Variants in FAM135B observed in about 807,000 individuals in gnomAD.
FAM135B encodes protein FAM135B.
A neutral mutation model predicts 127.7 loss-of-function variants in FAM135B; 43 were observed. The observed-to-expected ratio is 0.34, with a 90% CI of 0.26 to 0.43. The LOEUF (loss-of-function observed/expected upper bound fraction) is 0.43. FAM135B is among the 20% of genes least tolerant of loss of function. The probability of loss-of-function intolerance (pLI) is 1.00; values close to 1 mark genes in which losing one functional copy is unlikely to be tolerated. For missense variants in FAM135B, 1,558 were observed against 1,725.6 expected, an observed-to-expected ratio of 0.90 and a Z score of 1.72; for synonymous variants, 670 against 665.1, an observed-to-expected ratio of 1.01 and a Z score of -0.11.
At position 138,477,837 on chromosome 8, in the gene FAM135B, C is replaced by T. The variant is rs369230172; in HGVS notation, c.-20+18834G>A. 5.8e-4 allele frequency among the ~76,000 whole-genome samples: 89 copies of T among 152,196 alleles called. 1 individual carries two copies. The highest frequency in any genetic ancestry group is 2.1e-3 in the African/African-American group (87 of 41,530). On this transcript the variant is annotated intron_variant, in intron 1 of 19. Coordinates refer to ENST00000395297, the MANE Select transcript of FAM135B (RefSeq NM_015912.4). The stretch of plus-strand genomic sequence containing the variant: ...AAACTTTGCTGCCATATGCTTTTGC[C>T]CTTCACCCTTCCTGCTTCCTATATA...
At position 138,426,138 on chromosome 8, in the gene FAM135B, G is replaced by GTATA. The variant is rs375644479; in HGVS notation, c.-19-58140_-19-58137dup. On this transcript the variant is annotated intron_variant, in intron 1 of 19. Coordinates refer to ENST00000395297, the MANE Select transcript of FAM135B (RefSeq NM_015912.4). ...CACATATGTGTGTGTGTGTGTGTGT[G>GTATA]TATATATATATATAATGCTAAGCAC... is the stretch of plus-strand genomic sequence containing the variant. 2.7e-4 allele frequency among the ~76,000 whole-genome samples: 38 copies of GTATA among 139,782 alleles called. 2 individuals carry two copies. The highest frequency in any genetic ancestry group is 1.7e-3 in the Admixed American group (24 of 13,846). The allele number at this position is 139,782 out of a possible 152,430, so 91.7% of individuals were successfully genotyped here. A position where few individuals can be genotyped will look rare whatever the true frequency, so the allele number is the denominator to read the frequency against.
intron 7 of FAM135B, among the ~76,000 whole-genome samples, chr8:138,198,927 T>C (rs965759649): frequency 2.0e-5 from 3 of 152,208 alleles, no homozygotes; most frequent in African/African-American, 4.8e-5. Context: ...ACTGTTCACA[T>C]GGCCGTGACG....
chr8:138,218,125 C>T (rs6577892), intron 7 of FAM135B, among the ~76,000 whole-genome samples: 107,033 of 152,032 alleles, frequency 0.7, 37,748 homozygotes, highest in Middle Eastern at 0.8. Flanking sequence ...AATGTGTGAG[C>T]AATGAGACTT....
chr8:138,405,273 G>A (rs990810111), intron 1 of FAM135B, among the ~76,000 whole-genome samples: 14 of 150,734 alleles, frequency 9.3e-5, no homozygotes, highest in African/African-American at 3.2e-4. Flanking sequence ...ACAATGTGCA[G>A]GTTAGTTACA....
chr8:138,166,962 T>C (rs990286609), intron 12 of FAM135B, among the ~76,000 whole-genome samples: 2 of 151,922 alleles, frequency 1.3e-5, no homozygotes, highest in Admixed American at 1.3e-4. Context: ...TACCATCCCA[T>C]TGTAGGACTC....
chr8:138,336,809 G>T (rs1001111904), intron 2 of FAM135B, among the ~76,000 whole-genome samples: 9 of 152,162 alleles, frequency 5.9e-5, no homozygotes, highest in African/African-American at 2.2e-4. Context: ...AACAAAAAAA[G>T]AGAATTTTAG....
At chr8:138,494,262 A>G (rs1815303216) in intron 1 of FAM135B, among the ~76,000 whole-genome samples, 2 of 152,206 alleles carry the variant, frequency 1.3e-5, no homozygotes, top group African/African-American at 4.8e-5. Context: ...CTACGTCTGC[A>G]CAGGTGGTCA....
chr8:138,463,842 A>G (rs1837254358), intron 1 of FAM135B, among the ~76,000 whole-genome samples: 1 of 152,136 alleles, frequency 6.6e-6, no homozygotes, highest in South Asian at 2.1e-4. Context: ...AGATTTGAAG[A>G]TATAAAGAAA....
chr8:138,356,718 A>G lies in FAM135B; in HGVS notation c.77+11189T>C, dbSNP rs183059675. On this transcript the variant is annotated intron_variant, in intron 2 of 19. Coordinates refer to ENST00000395297, the MANE Select transcript of FAM135B (RefSeq NM_015912.4). ...CCAATGGTGTCTTCCGTTTTTCCAA[A>G]AGTTTCTAAACAGTAACTCAGCTAC... Among the ~76,000 whole-genome samples the G allele has an allele frequency of 2.6e-5, 4 of 152,218 alleles. No individual in the cohort carries two copies. In the East Asian group the frequency reaches 7.7e-4, roughly 29 times the overall value.
intron 1 of FAM135B, among the ~76,000 whole-genome samples, chr8:138,392,415 T>A (rs147646444): frequency 0.018 from 2,812 of 152,260 alleles, 83 homozygotes; most frequent in African/African-American, 0.063. Flanking sequence ...GGGGATATAT[T>A]TTAAAGCAGG....
intron 1 of FAM135B, among the ~76,000 whole-genome samples, chr8:138,419,757 T>C (rs147069057): frequency 7.2e-5 from 11 of 152,206 alleles, no homozygotes; most frequent in African/African-American, 2.2e-4. Context: ...AACTTTTGGG[T>C]AAAGAATGAA....
rs75965529 is a variant in FAM135B, at chr8:138,371,746, G to A, written c.-19-3744C>T. ...ACCATACACACAATATACCCAACCC[G>A]AAATACACCGGCACCATGTGCACAC... On this transcript the variant is annotated intron_variant, in intron 1 of 19. Transcript: ENST00000395297. Among the ~76,000 whole-genome samples the A allele has an allele frequency of 9.4e-3, 1,432 of 152,158 alleles. 25 individuals carry two copies. Among genetic ancestry groups the A allele is most frequent in the African/African-American group, 0.033 (1,373 of 41,518 alleles).
chr8:138,376,643 T>C (rs1339889120), intron 1 of FAM135B, among the ~76,000 whole-genome samples: 1 of 152,234 alleles, frequency 6.6e-6, no homozygotes, highest in East Asian at 1.9e-4. Flanking sequence ...TTTCCTTTAG[T>C]TCCACAACAT....
At chr8:138,258,153 G>T (rs570495874) in intron 4 of FAM135B, among the ~76,000 whole-genome samples, 10 of 152,170 alleles carry the variant, frequency 6.6e-5, no homozygotes, top group Non-Finnish European at 1.3e-4. Context: ...AATAGTGTCT[G>T]CTGCATAGAA....
intron 1 of FAM135B, among the ~76,000 whole-genome samples, chr8:138,409,859 G>A (rs556304983): frequency 6.7e-4 from 91 of 135,796 alleles, no homozygotes; most frequent in East Asian, 1.1e-3. Flanking sequence ...CAGCCTGGGC[G>A]ACAGAGTAAG....
intron 1 of FAM135B, among the ~76,000 whole-genome samples, chr8:138,376,424 T>C (rs984129931): frequency 6.6e-6 from 1 of 152,194 alleles, no homozygotes; most frequent in Non-Finnish European, 1.5e-5. Flanking sequence ...CTGCTCCAGC[T>C]TCATCACCTT....
chr8:138,272,854 A>G (rs1293327035), intron 3 of FAM135B, among the ~76,000 whole-genome samples: 1 of 152,226 alleles, frequency 6.6e-6, no homozygotes, highest in Non-Finnish European at 1.5e-5. Flanking sequence ...TTGTGTAGGC[A>G]CATAGATTTG....
intron 1 of FAM135B, among the ~76,000 whole-genome samples, chr8:138,465,614 T>C (rs1376428234): frequency 6.6e-6 from 1 of 152,152 alleles, no homozygotes; most frequent in East Asian, 1.9e-4. Flanking sequence ...CTTTGCTTAA[T>C]GCAACTGCAT....
At chr8:138,405,270 G>A (rs1833406040) in intron 1 of FAM135B, among the ~76,000 whole-genome samples, 1 of 149,842 alleles carries the variant, frequency 6.7e-6, no homozygotes, top group African/African-American at 2.5e-5. Context: ...TGCACAATGT[G>A]CAGGTTAGTT....
Sources: allele counts gnomAD v4.1 joint callset (sites outside exome capture counted in the v4.1 genomes callset), GRCh38; gene constraint gnomAD v4.1.1; transcripts MANE v1.5; gene names NCBI Gene and HGNC (gene_info 2026-07-23, HGNC 2026-07-21).